Variants in TCEA3 observed in about 807,000 individuals in gnomAD.
TCEA3 encodes the protein transcription elongation factor A3.
TCEA3 carries 36 observed loss-of-function variants against 44.0 expected under a neutral mutation model. That is an observed-to-expected ratio of 0.82 (90% confidence interval 0.63 to 1.08). The LOEUF (loss-of-function observed/expected upper bound fraction) is 1.08. Ranked by LOEUF, TCEA3 falls within the 50% of genes least tolerant of loss-of-function variation. TCEA3 has a pLI of 0.00. For missense variants in TCEA3, 392 were observed against 441.2 expected (o/e 0.89, Z 1.00); for synonymous variants, 162 against 159.7 (o/e 1.01, Z -0.11).
At chr1:23,408,106 T>C (rs1425288852) in intron 5 of TCEA3, among the ~76,000 whole-genome samples, 3 of 151,882 alleles carry the variant, frequency 2.0e-5, no homozygotes, top group Non-Finnish European at 4.4e-5. Context: ...GGATTACAGG[T>C]GCCCACCACC....
intron 6 of TCEA3, 72 bp downstream of exon 6, chr1:23,397,719 AT>A (rs1397028033): frequency 6.2e-7 from 1 of 1,610,114 alleles, no homozygotes. Context: ...GAAAGACTGA[AT>A]TTCATCTGCC....
At chr1:23,419,230 T>G in intron 1 of TCEA3, 91 bp from the exon 2 acceptor site, 1 of 950,506 alleles carries the variant, frequency 1.1e-6, no homozygotes, top group Non-Finnish European at 1.5e-6. Context: ...AGCAGGAGGA[T>G]ACAGACAGAC....
chr1:23,412,956 G>A (rs1001323910), intron 4 of TCEA3, among the ~76,000 whole-genome samples: 1 of 152,098 alleles, frequency 6.6e-6, no homozygotes, highest in Non-Finnish European at 1.5e-5. Context: ...CCGACAACTG[G>A]CTTCTCCCAG....
chr1:23,412,282 C>G (rs1330209929), intron 4 of TCEA3: 1 of 152,088 alleles, frequency 6.6e-6, no homozygotes, highest in African/African-American at 2.4e-5. Context: ...CACCCATAGT[C>G]CCAGCTACTC....
rs1326073675 is a variant in TCEA3 at position 23,393,973 on chromosome 1, A to T, written c.725T>A (p.Ile242Lys). 2.5e-6 allele frequency: 4 copies of T among 1,614,022 alleles called. No individual in the cohort carries two copies. Among genetic ancestry groups the T allele is most frequent in the Non-Finnish European group, 3.4e-6 (4 of 1,179,898 alleles). The change falls in exon 8 of 11, where the codon ATA becomes AAA. Residue 242 changes from isoleucine (I) to lysine (K), a missense_variant. Coordinates refer to ENST00000450454, the MANE Select transcript of TCEA3 (RefSeq NM_003196.3). ...GTTCCTGGGGTCCTTGAGGTTGCTTATGCGGCTGCGCACGCGGTTCCGGTA... is the reference window on the plus strand; with the variant it reads ...GTTCCTGGGGTCCTTGAGGTTGCTTTTGCGGCTGCGCACGCGGTTCCGGTA... ...MKYRNRVRSR[I>K]SNLKDPRNPG...
chr1:23,413,537 G>A lies in TCEA3; in HGVS notation c.380+3712C>T, dbSNP rs530462947. On this transcript the variant is annotated intron_variant, in intron 4 of 10. Transcript: ENST00000450454. ...CAACCTCAGCCTCCCAAATTCAAGC[G>A]ATCCTCCTGCCTCAGCCTCCCAAGT... 2.2e-3 allele frequency among the ~76,000 whole-genome samples: 328 copies of A among 152,194 alleles called. 1 individual carries two copies. Among genetic ancestry groups the A allele is most frequent in the Middle Eastern group, 6.8e-3 (2 of 294 alleles).
chr1:23,382,049 ATT>A (rs5773042), intron 10 of TCEA3, among the ~76,000 whole-genome samples: 1 of 144,158 alleles, frequency 6.9e-6, no homozygotes, highest in Non-Finnish European at 1.5e-5. Flanking sequence ...ATCACTCCCA[ATT>A]TTTTTTTTTT....
intron 5 of TCEA3, chr1:23,404,000 T>C: frequency 4.6e-6 from 3 of 648,222 alleles, no homozygotes; most frequent in Non-Finnish European, 8.5e-6. Context: ...GGAGGTTGGA[T>C]TTATCAACAG....
Position 23,387,336 on chromosome 1 carries a change from G to C in TCEA3, c.903C>G (p.Gly301=), listed in dbSNP as rs767643778. ...AIREHQMAKT[G]GTTTDLFQCS... is the part of the protein sequence containing the mutation. The stretch of plus-strand genomic sequence containing the variant: ...ACTGGAAGAGGTCAGTGGTGGTGCC[G>C]CCAGTCTTGGCCATCTGGTGCTCAC... The change falls in exon 9 of 11, where the codon GGC becomes GGG. Residue 301 remains glycine (G), a synonymous_variant. Transcript: ENST00000450454. 1.9e-6 allele frequency: 3 copies of C among 1,613,688 alleles called. No homozygotes were observed. In the Middle Eastern group the frequency reaches 5.0e-4, roughly 266 times the overall value.
At chr1:23,404,545 G>A (rs1229072241) in intron 5 of TCEA3, among the ~76,000 whole-genome samples, 1 of 152,074 alleles carries the variant, frequency 6.6e-6, no homozygotes, top group East Asian at 1.9e-4. Flanking sequence ...CCCTAAGAAG[G>A]GAGAGGTGAT....
chr1:23,389,298 G>A (rs1416677216), intron 8 of TCEA3, among the ~76,000 whole-genome samples: 2 of 152,084 alleles, frequency 1.3e-5, no homozygotes, highest in Non-Finnish European at 2.9e-5. Flanking sequence ...GACCAGCCAG[G>A]TCAACATGGT....
chr1:23,415,732 C>CAG (rs1423288481), intron 4 of TCEA3, among the ~76,000 whole-genome samples: 2 of 152,348 alleles, frequency 1.3e-5, no homozygotes, highest in African/African-American at 4.8e-5. Context: ...AAAGAAAACA[C>CAG]ACTCGTGTGA....
chr1:23,384,209 G>A, intron 10 of TCEA3, 137 bp downstream of exon 10: 1 of 1,525,892 alleles, frequency 6.6e-7, no homozygotes, highest in South Asian at 1.3e-5. Context: ...CACTATCTCT[G>A]GCTCTGCAGA....
intron 5 of TCEA3, among the ~76,000 whole-genome samples, chr1:23,401,753 A>C (rs752987427): frequency 4.6e-5 from 7 of 151,938 alleles, no homozygotes; most frequent in Non-Finnish European, 1.0e-4. Context: ...TAACCCTCCA[A>C]CACAGGGGTT....
chr1:23,386,159 A>G (rs1017709340), intron 9 of TCEA3, among the ~76,000 whole-genome samples: 1 of 152,198 alleles, frequency 6.6e-6, no homozygotes, highest in African/African-American at 2.4e-5. Context: ...GCACCACATT[A>G]GTGTACCAAG....
Position 23,398,002 on chromosome 1 carries a change from G to A in TCEA3, c.444-47C>T, listed in dbSNP as rs781678180. 8.1e-6 allele frequency: 13 copies of A among 1,599,826 alleles called. No homozygotes were observed. The East Asian group carries it at 2.5e-4, about 30-fold the overall frequency. ...AGACATTTGACATTAAGAGAGTAAA[G>A]CATTTATTGAGCAGCATTCTAGATG... On this transcript the variant is annotated intron_variant, in intron 5 of 10. Coordinates refer to ENST00000450454, the MANE Select transcript of TCEA3 (RefSeq NM_003196.3).
At chr1:23,419,798 T>C (rs1168840473) in intron 1 of TCEA3, among the ~76,000 whole-genome samples, 1 of 152,182 alleles carries the variant, frequency 6.6e-6, no homozygotes, top group Non-Finnish European at 1.5e-5. Flanking sequence ...ATCACACCAC[T>C]GCACTCCAGC....
At chr1:23,393,483 C>T (rs1280410189) in intron 8 of TCEA3, among the ~76,000 whole-genome samples, 1 of 152,102 alleles carries the variant, frequency 6.6e-6, no homozygotes, top group African/African-American at 2.4e-5. Context: ...GCACTCCACA[C>T]GTACAGCCCC....
intron 4 of TCEA3, among the ~76,000 whole-genome samples, chr1:23,413,480 C>T (rs1452968952): frequency 6.6e-6 from 1 of 152,050 alleles, no homozygotes; most frequent in Non-Finnish European, 1.5e-5. Context: ...GTCATCCAGG[C>T]TGGAGTGCAG....
Sources: gnomAD v4.1 joint callset for allele counts (sites outside exome capture counted in the v4.1 genomes callset) on GRCh38, gnomAD v4.1.1 for gene constraint, MANE v1.5 for transcripts, NCBI Gene and HGNC (gene_info 2026-07-23, HGNC 2026-07-21) for gene names.